The following C1QBP variants were observed in gnomAD, a reference collection of about 807,000 sequenced individuals.
C1QBP encodes the protein complement C1q binding protein.
Under a neutral mutation model 29.4 loss-of-function variants are expected in C1QBP, and 24 were observed. The ratio of observed to expected loss-of-function variants is 0.82; its 90% CI spans 0.59 to 1.15. The LOEUF (loss-of-function observed/expected upper bound fraction) is 1.15, where lower values mean the gene tolerates loss of function less well. Ranked by LOEUF, C1QBP falls within the 50% of genes most tolerant of loss-of-function variation. The probability of loss-of-function intolerance (pLI) is 0.00; values close to 1 mark genes in which losing one functional copy is unlikely to be tolerated. For missense variants in C1QBP, 337 were observed against 355.8 expected (o/e 0.95, Z 0.43); for synonymous variants, 182 against 149.2 (o/e 1.22, Z -1.60).
chr17:5,435,372 T>C lies in C1QBP; in HGVS notation c.384-406A>G, dbSNP rs757261065. On this transcript the variant is annotated intron_variant, in intron 2 of 5. Coordinates refer to ENST00000225698, the MANE Select transcript of C1QBP (RefSeq NM_001212.4). ...GGAACCCTTGGTCAAAGTAAGGACC[T>C]GAGAGGCTGGTGAGATGGAACAGAA... 1.8e-4 allele frequency among the ~76,000 whole-genome samples: 27 copies of C among 152,264 alleles called. 1 individual carries two copies. The highest frequency in any genetic ancestry group is 1.6e-4 in the Non-Finnish European group (11 of 68,012).
intron 1 of C1QBP, 86 bp from the exon 2 acceptor site, chr17:5,438,359 CT>C: frequency 6.8e-7 from 1 of 1,475,372 alleles, no homozygotes. Context: ...AGCCAGAAAC[CT>C]GGACTGTTTC....
At position 5,438,290 on chromosome 17, in the gene C1QBP, G is replaced by C. The variant is rs745665913; in HGVS notation, c.233-17C>G. Reference sequence around the variant, plus strand: ...CTTTGTCTCCTAGAAAAGAAATCCAGATACATAAAAAGGAAAGCCAGTTAG... The same window carrying C: ...CTTTGTCTCCTAGAAAAGAAATCCACATACATAAAAAGGAAAGCCAGTTAG... On this transcript the variant is annotated splice_polypyrimidine_tract_variant and intron_variant, in intron 1 of 5. Transcript: ENST00000225698. The C allele has an allele frequency of 1.2e-6, 2 of 1,610,384 alleles. No individual in the cohort carries two copies. Among genetic ancestry groups the C allele is most frequent in the Non-Finnish European group, 8.5e-7 (1 of 1,178,682 alleles).
intron 5 of C1QBP, 61 bp downstream of exon 5, chr17:5,433,232 C>T: frequency 6.2e-7 from 1 of 1,609,678 alleles, no homozygotes; most frequent in Non-Finnish European, 8.5e-7. Flanking sequence ...TTTTTCTCCC[C>T]TTGAACTAGG....
chr17:5,438,001 C>G, intron 2 of C1QBP, 122 bp downstream of exon 2: 1 of 1,317,292 alleles, frequency 7.6e-7, no homozygotes, highest in Non-Finnish European at 1.0e-6. Flanking sequence ...ATCCTTCACT[C>G]TCTTGAAACC....
At position 5,437,999 on chromosome 17, in the gene C1QBP, C is replaced by T. The variant is rs553203269; in HGVS notation, c.383+124G>A. 49 of 1,302,816 alleles carry T rather than the reference C, an allele frequency of 3.8e-5. No homozygotes were observed. The African/African-American group carries it at 6.8e-4, about 18-fold the overall frequency. The allele number at this position is 1,302,816 out of a possible 1,614,324, so 80.7% of individuals were successfully genotyped here. On this transcript the variant is annotated intron_variant, in intron 2 of 5. Transcript: ENST00000225698. ...CGAAGTTGTCCAAATGAATCCTTCA[C>T]TCTCTTGAAACCCATTTATCAAAGT...
chr17:5,435,074 G>C, intron 2 of C1QBP, 108 bp from the exon 3 acceptor site: 1 of 968,982 alleles, frequency 1.0e-6, no homozygotes, highest in African/African-American at 1.6e-5. Flanking sequence ...AAGGCGTATT[G>C]AAACAATGTC....
intron 2 of C1QBP, among the ~76,000 whole-genome samples, chr17:5,437,601 G>T (rs567891936): frequency 2.0e-5 from 3 of 152,188 alleles, no homozygotes; most frequent in African/African-American, 4.8e-5. Context: ...GTGAGCCACC[G>T]CGCCCAGGCT....
In C1QBP at chr17:5,433,332, C is replaced by T; in HGVS notation, c.660G>A (p.Lys220=). Residue 220 remains lysine (K), a synonymous_variant, in exon 5 of 6, where the codon AAG becomes AAA. Coordinates refer to ENST00000225698, the MANE Select transcript of C1QBP (RefSeq NM_001212.4). ...CTGTGTTGAGTGTATAATTAGTATCCTTCCATTCAGACTCGCCAGTGGACT... is the reference window on the plus strand; with the variant it reads ...CTGTGTTGAGTGTATAATTAGTATCTTTCCATTCAGACTCGCCAGTGGACT... The part of the protein sequence containing the change: ...SFQSTGESEW[K]DTNYTLNTDS... 1 of 1,614,152 alleles carries T rather than the reference C, an allele frequency of 6.2e-7. No individual in the cohort carries two copies. The highest frequency in any genetic ancestry group is 1.1e-5 in the South Asian group (1 of 91,072).
chr17:5,434,429 G>A (rs900452608), intron 3 of C1QBP, among the ~76,000 whole-genome samples: 2 of 145,630 alleles, frequency 1.4e-5, no homozygotes, highest in East Asian at 2.3e-4. Flanking sequence ...GCATGATCCA[G>A]TTAAAGTCTC....
chr17:5,433,481 G>T, intron 4 of C1QBP, 66 bp from the exon 5 acceptor site: 1 of 1,598,224 alleles, frequency 6.3e-7, no homozygotes, highest in Non-Finnish European at 8.6e-7. Context: ...GGGGAAGAAA[G>T]GGGGCCACTG....
chr17:5,438,681 AGGGGAGGTG>A, intron 1 of C1QBP, 152 bp downstream of exon 1: 1 of 1,442,428 alleles, frequency 6.9e-7, no homozygotes, highest in Non-Finnish European at 9.4e-7. Context: ...ACTGCTGGAT[AGGGGAGGTG>A]GGGGAAATAT....
Position 5,433,672 on chromosome 17 carries a change from A to G in C1QBP, c.573T>C (p.Asp191=). 6.2e-7 allele frequency: 1 copy of G among 1,614,100 alleles called. No homozygotes were observed. The highest frequency in any genetic ancestry group is 8.5e-7 in the Non-Finnish European group (1 of 1,179,914). ...GCTAGCACTCCATCCTGCATACCTCATCCTCTGGATAATGACAGTCCAACA... is the reference window on the plus strand; with the variant it reads ...GCTAGCACTCCATCCTGCATACCTCGTCCTCTGGATAATGACAGTCCAACA... The part of the protein sequence containing the change: ...ALVLDCHYPE[D]EVGQEDEAES... Residue 191 remains aspartate, a synonymous_variant, in exon 4 of 6, where the codon GAT becomes GAC. Coordinates refer to ENST00000225698, the MANE Select transcript of C1QBP (RefSeq NM_001212.4).
Position 5,434,889 on chromosome 17 carries a change from T to G in C1QBP, c.461A>C (p.Lys154Thr). The change falls in exon 3 of 6, where the codon AAG becomes ACG. Residue 154 changes from lysine (K) to threonine (T), a missense_variant. Transcript: ENST00000225698. Reference protein sequence around the residue: ...DGEEEPSQGQKVEEQEPELTS... With the variant: ...DGEEEPSQGQTVEEQEPELTS... ...TTAGCTTACCTCCTGTTCTTCAACC[T>G]TCTGCCCTTGCGAGGGTTCCTCCTC... 1 of 1,613,496 alleles carries G rather than the reference T, an allele frequency of 6.2e-7. No individual in the cohort carries two copies. The highest frequency in any genetic ancestry group is 8.5e-7 in the Non-Finnish European group (1 of 1,179,406).
chr17:5,436,055 A>G, intron 2 of C1QBP, among the ~76,000 whole-genome samples: 1 of 148,372 alleles, frequency 6.7e-6, no homozygotes, highest in East Asian at 2.0e-4. Context: ...AAAAAAAAAA[A>G]AAAAAAAAAG....
chr17:5,433,227 C>A, intron 5 of C1QBP, 63 bp from the exon 6 acceptor site: 1 of 1,605,938 alleles, frequency 6.2e-7, no homozygotes, highest in Non-Finnish European at 8.5e-7. Context: ...ATGCTTTTTT[C>A]TCCCCTTGAA....
In C1QBP at chr17:5,432,835, G is replaced by T; in HGVS notation, c.*180C>A. ...GTTATACAAAAATCTAGAAATAATA[G>T]ATTTGTACAGAAAAAAATGATAATA... On this transcript the variant is annotated 3_prime_UTR_variant, in exon 6 of 6. Coordinates refer to ENST00000225698, the MANE Select transcript of C1QBP (RefSeq NM_001212.4). 1 of 918,526 alleles carries T rather than the reference G, an allele frequency of 1.1e-6. No homozygotes were observed. 56.9% of individuals were successfully genotyped at this position (918,526 alleles called of 1,614,324 possible). A position where few individuals can be genotyped will look rare whatever the true frequency, so the allele number is the denominator to read the frequency against.
chr17:5,436,748 G>A (rs529265422), intron 2 of C1QBP, among the ~76,000 whole-genome samples: 14 of 147,266 alleles, frequency 9.5e-5, no homozygotes, highest in South Asian at 2.1e-4. Flanking sequence ...GGGTGGGCAG[G>A]GTGGCTCACA....
intron 3 of C1QBP, chr17:5,434,040 C>CTG (rs1267830506): frequency 2.1e-6 from 1 of 473,748 alleles, no homozygotes; most frequent in Admixed American, 3.4e-5. Context: ...AGTCCCTTAA[C>CTG]ATTCCAAGCC....
chr17:5,435,323 C>T (rs1254887060), intron 2 of C1QBP, among the ~76,000 whole-genome samples: 1 of 152,210 alleles, frequency 6.6e-6, no homozygotes, highest in African/African-American at 2.4e-5. Flanking sequence ...AGCCAGCTGA[C>T]ACTGCCCACC....
Sources: gnomAD v4.1 joint callset for allele counts (sites outside exome capture counted in the v4.1 genomes callset) on GRCh38, gnomAD v4.1.1 for gene constraint, MANE v1.5 for transcripts, NCBI Gene and HGNC (gene_info 2026-07-23, HGNC 2026-07-21) for gene names.